The following CEP70 variants were observed in gnomAD, a reference collection of about 807,000 sequenced individuals.
The protein encoded by CEP70 is centrosomal protein 70.
CEP70 carries 70 observed loss-of-function variants against 90.9 expected under a neutral mutation model. That is an observed-to-expected ratio of 0.77 (90% confidence interval 0.64 to 0.94). The LOEUF is 0.94. CEP70 is among the 40% of genes least tolerant of loss of function. The pLI is 0.00. For synonymous variants in CEP70, 220 were observed against 228.3 expected, an observed-to-expected ratio of 0.96 and a Z score of 0.33; for missense variants, 648 against 669.0, an observed-to-expected ratio of 0.97 and a Z score of 0.35.
At chr3:138,526,875 G>A (rs2037303847) in intron 10 of CEP70, among the ~76,000 whole-genome samples, 2 of 152,112 alleles carry the variant, frequency 1.3e-5, no homozygotes, top group Non-Finnish European at 2.9e-5. Flanking sequence ...TAATTAGCTT[G>A]ATTTAATTAT....
intron 2 of CEP70, among the ~76,000 whole-genome samples, chr3:138,586,793 A>G (rs1338024308): frequency 6.6e-6 from 1 of 152,230 alleles, no homozygotes; most frequent in Non-Finnish European, 1.5e-5. Flanking sequence ...ATATTCAATA[A>G]TAATATAATT....
At chr3:138,579,088 A>G (rs2041709324) in intron 2 of CEP70, among the ~76,000 whole-genome samples, 1 of 152,204 alleles carries the variant, frequency 6.6e-6, no homozygotes, top group Non-Finnish European at 1.5e-5. Context: ...AGTAAAGTGC[A>G]GTGACTGTGG....
intron 17 of CEP70, chr3:138,495,986 C>T: frequency 1.0e-6 from 1 of 985,398 alleles, no homozygotes; most frequent in Non-Finnish European, 1.2e-6. Flanking sequence ...TTGACAGGCT[C>T]TTTCTGAATT....
At chr3:138,593,840 T>A (rs1167308787) in intron 1 of CEP70, 1 of 152,202 alleles carries the variant, frequency 6.6e-6, no homozygotes, top group Non-Finnish European at 1.5e-5. Flanking sequence ...ACCTACAGCT[T>A]AAATCGAGTC....
chr3:138,575,504 G>A (rs1460222815), intron 2 of CEP70, among the ~76,000 whole-genome samples: 2 of 152,298 alleles, frequency 1.3e-5, no homozygotes, highest in African/African-American at 4.8e-5. Context: ...TGGGGGGAAT[G>A]GAACCAAGCT....
rs529787254 is a variant in CEP70 at position 138,509,694 on chromosome 3, AT to A, written c.945-1151del. On this transcript the variant is annotated intron_variant, in intron 11 of 17. Coordinates refer to ENST00000264982, the MANE Select transcript of CEP70 (RefSeq NM_024491.4). Reference sequence around the variant, plus strand: ...AGTAATAAATAAGTTTTTTTATTTTATTTTTTTTTAATGCTCACTAGTCTGA... The same window carrying A: ...AGTAATAAATAAGTTTTTTTATTTTATTTTTTTTAATGCTCACTAGTCTGA... 4.0e-5 allele frequency among the ~76,000 whole-genome samples: 6 copies of A among 150,942 alleles called. No homozygotes were observed. The South Asian group carries it at 8.4e-4, about 21-fold the overall frequency.
At chr3:138,514,086 A>G (rs1056406111) in intron 11 of CEP70, among the ~76,000 whole-genome samples, 1 of 152,172 alleles carries the variant, frequency 6.6e-6, no homozygotes, top group African/African-American at 2.4e-5. Flanking sequence ...TAAGATGTAC[A>G]TAAATCTTAT....
chr3:138,502,315 C>T (rs1417932751), intron 13 of CEP70, among the ~76,000 whole-genome samples: 1 of 152,042 alleles, frequency 6.6e-6, no homozygotes, highest in Non-Finnish European at 1.5e-5. Context: ...TAGAGGCTAC[C>T]ATACTAGACA....
chr3:138,499,179 G>C (rs2034243992), intron 16 of CEP70, among the ~76,000 whole-genome samples: 1 of 152,118 alleles, frequency 6.6e-6, no homozygotes, highest in South Asian at 2.1e-4. Context: ...GGTTCTTCTA[G>C]GAAAACTTGC....
At chr3:138,558,051 C>T (rs2040145007) in intron 6 of CEP70, among the ~76,000 whole-genome samples, 1 of 152,118 alleles carries the variant, frequency 6.6e-6, no homozygotes, top group Admixed American at 6.6e-5. Context: ...ATGAAAATTA[C>T]AGGACCATGA....
rs1560434606 is a variant in CEP70 at position 138,570,439 on chromosome 3, A to G, written c.344T>C (p.Leu115Ser). The G allele has an allele frequency of 6.2e-7, 1 of 1,610,476 alleles. No homozygotes were observed. Among genetic ancestry groups the G allele is most frequent in the Non-Finnish European group, 8.5e-7 (1 of 1,178,876 alleles). Residue 115 changes from leucine to serine, a missense_variant, in exon 6 of 18, where the codon TTG (leucine) becomes TCG (serine). Physicochemically the swap from Leu to Ser is moderately radical, Grantham distance 145. Transcript: ENST00000264982. ...AANQEQRAND[L>S]EQIMESVKSK... ...TTTCACACTTTCCATAATTTGTTCC[A>G]AGTCATTAGCTCGTTGTTCTTGATT...
At chr3:138,530,087 A>G (rs1352577796) in intron 8 of CEP70, among the ~76,000 whole-genome samples, 2 of 152,214 alleles carry the variant, frequency 1.3e-5, no homozygotes, top group African/African-American at 4.8e-5. Flanking sequence ...TGTGAAATGC[A>G]AAGTGCTAGC....
At chr3:138,533,696 T>G (rs1427997004) in intron 7 of CEP70, among the ~76,000 whole-genome samples, 1 of 152,218 alleles carries the variant, frequency 6.6e-6, no homozygotes, top group Non-Finnish European at 1.5e-5. Context: ...GGAGGTTATT[T>G]CTGGGATGTG....
intron 6 of CEP70, among the ~76,000 whole-genome samples, chr3:138,564,929 A>G (rs1414946760): frequency 6.6e-6 from 1 of 152,220 alleles, no homozygotes; most frequent in Non-Finnish European, 1.5e-5. Context: ...AGATGACATG[A>G]TTGTATATTT....
intron 17 of CEP70, chr3:138,497,374 T>A (rs1275782732): frequency 3.3e-6 from 4 of 1,222,290 alleles, no homozygotes; most frequent in East Asian, 1.2e-4. Context: ...ACAGAAAAAA[T>A]TCACTGGTGA....
intron 2 of CEP70, among the ~76,000 whole-genome samples, chr3:138,583,226 A>G (rs2041954617): frequency 6.6e-6 from 1 of 152,256 alleles, no homozygotes; most frequent in South Asian, 2.1e-4. Context: ...CAAGGTCATT[A>G]TATAATGATA....
At chr3:138,593,231 A>G (rs1576984457) in intron 1 of CEP70, among the ~76,000 whole-genome samples, 2 of 152,136 alleles carry the variant, frequency 1.3e-5, no homozygotes, top group East Asian at 1.9e-4. Flanking sequence ...TATATTATAC[A>G]TATATTTTTG....
At chr3:138,498,202 T>C (rs1264405098) in intron 16 of CEP70, 92 bp from the exon 17 acceptor site, 2 of 823,346 alleles carry the variant, frequency 2.4e-6, no homozygotes, top group Non-Finnish European at 3.8e-6. Flanking sequence ...AGAAACTATA[T>C]TGCTAATTTA....
At chr3:138,518,822 G>A (rs938090437) in intron 11 of CEP70, among the ~76,000 whole-genome samples, 1 of 152,176 alleles carries the variant, frequency 6.6e-6, no homozygotes, top group Non-Finnish European at 1.5e-5. Context: ...ATGGAACAAA[G>A]CTGGACGGAA....
Sources: gnomAD v4.1 joint callset for allele counts (sites outside exome capture counted in the v4.1 genomes callset) on GRCh38, gnomAD v4.1.1 for gene constraint, MANE v1.5 for transcripts, NCBI Gene and HGNC (gene_info 2026-07-23, HGNC 2026-07-21) for gene names.